The following OR2L13 variants were observed in gnomAD, a reference collection of about 807,000 sequenced individuals.
OR2L13 encodes olfactory receptor family 2 subfamily L member 13, also known as olfactory receptor 2L13.
A neutral mutation model predicts 15.3 loss-of-function variants in OR2L13; 14 were observed. The observed-to-expected ratio is 0.91, with a 90% CI of 0.60 to 1.43. OR2L13 has a LOEUF of 1.43. OR2L13 is among the 40% of genes most tolerant of loss of function. OR2L13 has a pLI of 0.00. For synonymous variants in OR2L13, 152 were observed against 142.9 expected, an observed-to-expected ratio of 1.06 and a Z score of -0.45; for missense variants, 367 against 387.9, an observed-to-expected ratio of 0.95 and a Z score of 0.45.
At chr1:248,026,184 C>G in the OR2L13 span, among the ~76,000 whole-genome samples, 1 of 152,156 alleles carries the variant, frequency 6.6e-6, no homozygotes, top group African/African-American at 2.4e-5. Flanking sequence ...ACAAATCTAG[C>G]ATTGTTTTAA....
chr1:247,984,366 A>G, the OR2L13 span, among the ~76,000 whole-genome samples: 5 of 152,206 alleles, frequency 3.3e-5, no homozygotes, highest in Non-Finnish European at 2.9e-5. Flanking sequence ...GACTATAACT[A>G]TCTCATGGAA....
chr1:247,965,257 C>T, the OR2L13 span: 5 of 1,240,974 alleles, frequency 4.0e-6, no homozygotes, highest in East Asian at 1.0e-4. Context: ...AGATAGTTGC[C>T]AAACATGTAA....
chr1:247,985,354 GCGGTGT>G, the OR2L13 span, among the ~76,000 whole-genome samples: 1 of 151,828 alleles, frequency 6.6e-6, no homozygotes, highest in Non-Finnish European at 1.5e-5. Flanking sequence ...GTGAGAACAT[GCGGTGT>G]TTGGTTTTTT....
At chr1:248,089,075 G>A in the OR2L13 span, among the ~76,000 whole-genome samples, 1 of 152,136 alleles carries the variant, frequency 6.6e-6, no homozygotes, top group East Asian at 1.9e-4. Context: ...TCAAGTAGGG[G>A]ATATCCAGGT....
chr1:248,021,974 T>C, the OR2L13 span: 19 of 1,613,476 alleles, frequency 1.2e-5, no homozygotes, highest in Middle Eastern at 1.6e-4. Context: ...AAACGTCAAC[T>C]GATTTCATCT....
upstream of OR2L13, among the ~76,000 whole-genome samples, chr1:248,096,101 C>T (rs972424177): frequency 6.6e-6 from 1 of 151,956 alleles, no homozygotes; most frequent in Non-Finnish European, 1.5e-5. Flanking sequence ...GAAGGCTGGG[C>T]ACCCAGGTGG....
the OR2L13 span, among the ~76,000 whole-genome samples, chr1:247,961,019 T>G: frequency 5.9e-4 from 90 of 152,306 alleles, 1 homozygote; most frequent in Middle Eastern, 0.02. Flanking sequence ...ATTACCCGTC[T>G]TCTGCGTCGC....
the OR2L13 span, chr1:248,063,479 T>A: frequency 6.6e-6 from 1 of 152,266 alleles, no homozygotes; most frequent in African/African-American, 2.4e-5. Flanking sequence ...CAGTGTGTAT[T>A]TTTATTTTGT....
At chr1:248,074,063 G>C in the OR2L13 span, among the ~76,000 whole-genome samples, 1 of 151,546 alleles carries the variant, frequency 6.6e-6, no homozygotes, top group Non-Finnish European at 1.5e-5. Flanking sequence ...CAAAAAGCAA[G>C]AAAAATATTT....
At chr1:247,943,364 A>T in the OR2L13 span, among the ~76,000 whole-genome samples, 1 of 152,004 alleles carries the variant, frequency 6.6e-6, no homozygotes, top group Non-Finnish European at 1.5e-5. Context: ...AGAAGCCCAA[A>T]CCTCAGCATC....
intron 1 of OR2L13, among the ~76,000 whole-genome samples, chr1:248,097,986 A>C (rs374340885): frequency 6.6e-4 from 101 of 152,340 alleles, no homozygotes; most frequent in African/African-American, 2.3e-3. Flanking sequence ...AATTAATCAA[A>C]TATTTGCTTG....
At chr1:248,098,656 G>T (rs1664784610) in exon 2 of OR2L13, 1 of 152,176 alleles carries the variant, frequency 6.6e-6, no homozygotes, top group Non-Finnish European at 1.5e-5. Context: ...AACAGCAAAA[G>T]TTGAAAAATC....
chr1:247,952,867 C>T, the OR2L13 span, among the ~76,000 whole-genome samples: 1 of 152,066 alleles, frequency 6.6e-6, no homozygotes, highest in Non-Finnish European at 1.5e-5. Context: ...GAAATCATTC[C>T]ATCTCTCTGA....
the OR2L13 span, among the ~76,000 whole-genome samples, chr1:248,002,526 T>C: frequency 1.3e-5 from 2 of 152,230 alleles, no homozygotes; most frequent in Non-Finnish European, 2.9e-5. Context: ...TCAAGCTTCA[T>C]CCATGTTGTA....
chr1:248,038,249 T>A, the OR2L13 span: 1 of 1,535,024 alleles, frequency 6.5e-7, no homozygotes, highest in Non-Finnish European at 9.0e-7. Context: ...CCCTTCAGGA[T>A]GGATTGTAGG....
chr1:248,082,583 A>G, the OR2L13 span, among the ~76,000 whole-genome samples: 4 of 152,202 alleles, frequency 2.6e-5, no homozygotes, highest in African/African-American at 9.6e-5. Context: ...CTCTAAGACA[A>G]TGTGATAGCC....
the OR2L13 span, among the ~76,000 whole-genome samples, chr1:248,066,746 A>C: frequency 2.6e-5 from 4 of 152,318 alleles, no homozygotes; most frequent in African/African-American, 9.6e-5. Flanking sequence ...GGAAACTTAA[A>C]ATTTCAGAAA....
At chr1:248,035,492 G>C in the OR2L13 span, 1 of 152,058 alleles carries the variant, frequency 6.6e-6, no homozygotes, top group Non-Finnish European at 1.5e-5. Flanking sequence ...TGATGAAGCT[G>C]TGGGTTAAAT....
At chr1:247,960,280 C>T in the OR2L13 span, among the ~76,000 whole-genome samples, 121,432 of 152,060 alleles carry the variant, frequency 0.8, 52,670 homozygotes, top group South Asian at 0.95. Flanking sequence ...CAAGTGTTGC[C>T]GCCTGATCGT....
Sources: allele counts gnomAD v4.1 joint callset (sites outside exome capture counted in the v4.1 genomes callset), GRCh38; gene constraint gnomAD v4.1.1; transcripts MANE v1.5; gene names NCBI Gene and HGNC (gene_info 2026-07-23, HGNC 2026-07-21).